PIGN: variants seen among roughly 807,000 people sequenced by gnomAD.
PIGN encodes GPI ethanolamine phosphate transferase 1.
In PIGN, 117 loss-of-function variants were observed where a neutral mutation model predicts 125.4. That is an observed-to-expected ratio of 0.93 (90% confidence interval 0.80 to 1.09). The LOEUF is 1.09. Ranked by LOEUF, PIGN falls within the 50% of genes least tolerant of loss-of-function variation. PIGN has a pLI of 0.00. For missense variants in PIGN, 1,075 were observed against 1,094.9 expected (o/e 0.98, Z 0.26); for synonymous variants, 392 against 377.8 (o/e 1.04, Z -0.44).
At chr18:62,076,413 C>T (rs1445908774) in intron 28 of PIGN, among the ~76,000 whole-genome samples, 1 of 152,120 alleles carries the variant, frequency 6.6e-6, no homozygotes, top group Non-Finnish European at 1.5e-5. Flanking sequence ...TGTCAGATAA[C>T]CTGGTTTGTA....
At chr18:62,101,006 A>G in intron 22 of PIGN, 69 bp downstream of exon 22, 3 of 826,708 alleles carry the variant, frequency 3.6e-6, no homozygotes, top group Non-Finnish European at 6.4e-6. Flanking sequence ...TGATACAGAC[A>G]TAAACAGATC....
intron 30 of PIGN, among the ~76,000 whole-genome samples, chr18:62,061,511 CAAAAAAA>C (rs373391589): frequency 9.0e-5 from 3 of 33,238 alleles, no homozygotes; most frequent in Non-Finnish European, 1.5e-4. Context: ...GACTCCGTCT[CAAAAAAA>C]AAAAAAAAAA....
chr18:62,117,167 TA>T (rs1226133834), intron 14 of PIGN, among the ~76,000 whole-genome samples: 5 of 152,100 alleles, frequency 3.3e-5, no homozygotes, highest in African/African-American at 1.2e-4. Context: ...ACCATGACAT[TA>T]AAGACTCTCA....
At chr18:62,173,768 A>C (rs1478670408) in intron 1 of PIGN, among the ~76,000 whole-genome samples, 1 of 152,248 alleles carries the variant, frequency 6.6e-6, no homozygotes, top group African/African-American at 2.4e-5. Context: ...TAAATTAAAC[A>C]TTATGAAATA....
At chr18:62,062,722 T>C (rs967908096) in intron 30 of PIGN, among the ~76,000 whole-genome samples, 1 of 152,160 alleles carries the variant, frequency 6.6e-6, no homozygotes, top group East Asian at 1.9e-4. Flanking sequence ...TTAATATGTA[T>C]ACATAAATCA....
chr18:62,086,950 G>A (rs79771656), intron 25 of PIGN, among the ~76,000 whole-genome samples: 5,768 of 152,134 alleles, frequency 0.038, 364 homozygotes, highest in African/African-American at 0.13. Context: ...ATGAGATAAG[G>A]CCTGCCAGAG....
At position 62,146,936 on chromosome 18, in the gene PIGN, A is replaced by G. The variant is rs755757865; in HGVS notation, c.805+35T>C. On this transcript the variant is annotated intron_variant, in intron 9 of 30. Transcript: ENST00000640252. ...ACCAGCTACATTTATCACTACTTTA[A>G]TTGTAAGGTACATATCAATTAAAGA... The G allele has an allele frequency of 8.1e-6, 13 of 1,597,208 alleles. No homozygotes were observed. The South Asian group carries it at 1.2e-4, about 15-fold the overall frequency.
intron 30 of PIGN, among the ~76,000 whole-genome samples, chr18:62,059,579 T>G (rs1212623296): frequency 1.3e-5 from 2 of 152,212 alleles, no homozygotes; most frequent in Non-Finnish European, 2.9e-5. Flanking sequence ...TTTCTGTTTA[T>G]ATGAAATGTC....
intron 14 of PIGN, chr18:62,136,885 C>T: frequency 2.6e-6 from 1 of 391,348 alleles, no homozygotes; most frequent in East Asian, 3.6e-5. Flanking sequence ...AAGGAAAACA[C>T]ATCTTCCTGG....
chr18:62,138,884 T>G (rs893375020), intron 13 of PIGN, 99 bp downstream of exon 13: 2 of 635,166 alleles, frequency 3.1e-6, no homozygotes, highest in African/African-American at 3.7e-5. Flanking sequence ...TACAGGGAAA[T>G]AGTTAAAAAC....
At chr18:62,029,759 C>T (rs2030168587) in intron 23 of PIGN, among the ~76,000 whole-genome samples, 1 of 152,176 alleles carries the variant, frequency 6.6e-6, no homozygotes, top group South Asian at 2.1e-4. Flanking sequence ...TTTCATTAAA[C>T]TTCATCTAAT....
chr18:62,133,865 ACT>A (rs1207110978), intron 14 of PIGN, among the ~76,000 whole-genome samples: 1 of 152,126 alleles, frequency 6.6e-6, no homozygotes, highest in Non-Finnish European at 1.5e-5. Flanking sequence ...GGGCATAATA[ACT>A]CTTTTTCATT....
chr18:62,053,086 C>T (rs2031448812), intron 30 of PIGN: 1 of 278,806 alleles, frequency 3.6e-6, no homozygotes, highest in African/African-American at 2.2e-5. Context: ...ATTATATTTG[C>T]TAGCTGATGT....
intron 14 of PIGN, among the ~76,000 whole-genome samples, chr18:62,133,007 C>T (rs1044588813): frequency 2.0e-5 from 3 of 152,112 alleles, no homozygotes; most frequent in Non-Finnish European, 2.9e-5. Context: ...AAGTGATATG[C>T]ATTCAGTAGA....
intron 1 of PIGN, among the ~76,000 whole-genome samples, chr18:62,171,323 T>C (rs559672070): frequency 3.9e-5 from 6 of 152,236 alleles, no homozygotes; most frequent in Non-Finnish European, 8.8e-5. Flanking sequence ...TCTTTATATA[T>C]TGACCCTGTA....
Position 62,045,954 on chromosome 18 carries a change from A to G in PIGN, c.2698T>C (p.Ser900Pro), listed in dbSNP as rs772759601. 2 of 1,612,950 alleles carry G rather than the reference A, an allele frequency of 1.2e-6. No individual in the cohort carries two copies. The highest frequency in any genetic ancestry group is 1.7e-6 in the Non-Finnish European group (2 of 1,179,198). ...AGGAACACCAAAAAGATGGTCATGG[A>G]CATGACAATCACATAGTGGCTGATG... is the stretch of plus-strand genomic sequence containing the variant. ...TSISHYVIVM[S>P]MTIFLVFLNG... The change falls in exon 31 of 31, where the codon TCC (serine) becomes CCC (proline). Residue 900 changes from serine to proline, a missense_variant. Ser to Pro is a moderately conservative substitution (Grantham distance 74). Coordinates refer to ENST00000640252, the MANE Select transcript of PIGN (RefSeq NM_176787.5).
intron 11 of PIGN, among the ~76,000 whole-genome samples, chr18:62,141,408 G>A (rs1228718614): frequency 6.6e-6 from 1 of 152,220 alleles, no homozygotes; most frequent in African/African-American, 2.4e-5. Flanking sequence ...TATGGCATAG[G>A]CCACTCCTTT....
chr18:62,157,666 G>A, intron 5 of PIGN, 21 bp downstream of exon 5: 2 of 1,600,024 alleles, frequency 1.2e-6, no homozygotes, highest in South Asian at 1.1e-5. Flanking sequence ...CATTTCATAA[G>A]ATTGTCCAAA....
chr18:62,090,530 C>T lies in PIGN; in HGVS notation c.2229G>A (p.Trp743Ter). The change falls in exon 24 of 31, where the codon TGG becomes TGA. Residue 743 changes from tryptophan to a stop codon, truncating the protein, a stop_gained. Transcript: ENST00000640252. LOFTEE classifies it high-confidence loss of function. ...PLVLSCLMFVWINIEQETLQQ... is the reference protein window; with the variant it reads ...PLVLSCLMFV ...GTAGAGTTTCTTGTTCTATGTTTAT[C>T]CAGACAAACATCAAACAAGACAACA... The T allele has an allele frequency of 1.9e-6, 3 of 1,611,044 alleles. No individual in the cohort carries two copies. Among genetic ancestry groups the T allele is most frequent in the Non-Finnish European group, 2.5e-6 (3 of 1,178,316 alleles).
Sources: allele counts gnomAD v4.1 joint callset (sites outside exome capture counted in the v4.1 genomes callset), GRCh38; gene constraint gnomAD v4.1.1; transcripts MANE v1.5; gene names NCBI Gene and HGNC (gene_info 2026-07-23, HGNC 2026-07-21).